Variants in LYPD1 observed in about 807,000 individuals in gnomAD.
The protein encoded by LYPD1 is ly6/PLAUR domain-containing protein 1.
A neutral mutation model predicts 14.2 loss-of-function variants in LYPD1; 14 were observed. The ratio of observed to expected loss-of-function variants is 0.99; its 90% CI spans 0.65 to 1.54. The LOEUF is 1.54. Ranked by LOEUF, LYPD1 falls within the 40% of genes most tolerant of loss-of-function variation. The pLI is 0.00. For synonymous variants in LYPD1, 85 were observed against 70.6 expected (o/e 1.20, Z -1.02); for missense variants, 165 against 175.7 (o/e 0.94, Z 0.34).
intron 2 of LYPD1, among the ~76,000 whole-genome samples, chr2:132,667,799 C>T (rs1041099649): frequency 3.3e-5 from 5 of 152,176 alleles, no homozygotes; most frequent in Non-Finnish European, 5.9e-5. Context: ...CACAAGACCT[C>T]CCCTTCCCCC....
At chr2:132,668,293 TG>T in intron 2 of LYPD1, 106 bp downstream of exon 2, 1 of 1,351,208 alleles carries the variant, frequency 7.4e-7, no homozygotes, top group Non-Finnish European at 1.0e-6. Flanking sequence ...AACCAGTGTG[TG>T]GGCATTAAAT....
chr2:132,663,157 T>A (rs1683064726), intron 2 of LYPD1: 1 of 152,220 alleles, frequency 6.6e-6, no homozygotes, highest in Non-Finnish European at 1.5e-5. Context: ...CAGAATAGAA[T>A]CCCTTCCTGT....
chr2:132,645,546 C>T lies in LYPD1; in HGVS notation c.*499G>A, dbSNP rs1295595406. 2 of 1,614,154 alleles carry T rather than the reference C, an allele frequency of 1.2e-6. No homozygotes were observed. The highest frequency in any genetic ancestry group is 1.1e-5 in the South Asian group (1 of 91,084). ...TGAGTCTCGAGTCACTAGAGCCCAACTCAGGCGCGAAACCAGCCAATTCTG... is the reference window on the plus strand; with the variant it reads ...TGAGTCTCGAGTCACTAGAGCCCAATTCAGGCGCGAAACCAGCCAATTCTG... On this transcript the variant is annotated 3_prime_UTR_variant, in exon 3 of 3. Transcript: ENST00000397463.
intron 2 of LYPD1, among the ~76,000 whole-genome samples, chr2:132,651,823 A>T (rs1318334936): frequency 6.6e-6 from 1 of 152,244 alleles, no homozygotes; most frequent in African/African-American, 2.4e-5. Context: ...GTGAGTTGCC[A>T]TCTCTAAGTC....
rs1364458328 is a variant in LYPD1, at chr2:132,649,866, T to C, written c.191-3586A>G. Among the ~76,000 whole-genome samples, 3 of 151,784 alleles carry C rather than the reference T, an allele frequency of 2.0e-5. No individual in the cohort carries two copies. The South Asian group carries it at 6.3e-4, about 32-fold the overall frequency. On this transcript the variant is annotated intron_variant, in intron 2 of 2. Transcript: ENST00000397463. ...CCCATAAAAGTACTAAACGACACTTTGGAACCTTGGGAGATTTTTTTTTTA... is the reference window on the plus strand; with the variant it reads ...CCCATAAAAGTACTAAACGACACTTCGGAACCTTGGGAGATTTTTTTTTTA...
intron 2 of LYPD1, among the ~76,000 whole-genome samples, chr2:132,667,947 G>A (rs147549183): frequency 6.6e-6 from 1 of 152,222 alleles, no homozygotes; most frequent in African/African-American, 2.4e-5. Flanking sequence ...AGATCCTGTA[G>A]TGTTCTTCAA....
At chr2:132,670,449 C>T (rs1683634269), upstream of LYPD1, among the ~76,000 whole-genome samples, 2 of 152,196 alleles carry the variant, frequency 1.3e-5, no homozygotes, top group South Asian at 4.2e-4. The surrounding 1 kb of genome is among the most constrained non-coding windows in gnomAD (Gnocchi z 4.5). Context: ...GTTGGGGGAG[C>T]GGCGAGGAGG....
chr2:132,651,788 G>C (rs1159436589), intron 2 of LYPD1, among the ~76,000 whole-genome samples: 1 of 152,234 alleles, frequency 6.6e-6, no homozygotes, highest in South Asian at 2.1e-4. Flanking sequence ...TCTGCAGGGG[G>C]ATGTGTGTGC....
At chr2:132,666,552 G>C (rs909022612) in intron 2 of LYPD1, 1 of 152,162 alleles carries the variant, frequency 6.6e-6, no homozygotes, top group Non-Finnish European at 1.5e-5. Flanking sequence ...TTGGAGACAA[G>C]GTACCTACCT....
At chr2:132,655,952 A>AC (rs201068681) in intron 2 of LYPD1, among the ~76,000 whole-genome samples, 224 of 151,956 alleles carry the variant, frequency 1.5e-3, no homozygotes, top group African/African-American at 5.2e-3. Context: ...AAGATCTGTC[A>AC]CCCCCCTCCA....
intron 2 of LYPD1, among the ~76,000 whole-genome samples, chr2:132,659,506 G>A (rs949832111): frequency 6.6e-6 from 1 of 152,208 alleles, no homozygotes; most frequent in African/African-American, 2.4e-5. Context: ...TGTGATGCCA[G>A]GCAAACTGAG....
At chr2:132,668,374 G>A (rs753546770) in intron 2 of LYPD1, 26 bp downstream of exon 2, 7 of 1,593,860 alleles carry the variant, frequency 4.4e-6, no homozygotes, top group South Asian at 1.1e-5. Context: ...GCTTAAGAGC[G>A]AGGGGGAGGG....
chr2:132,658,231 G>A (rs76519654), intron 2 of LYPD1, among the ~76,000 whole-genome samples: 10,999 of 152,194 alleles, frequency 0.072, 1,267 homozygotes, highest in African/African-American at 0.25. Context: ...ACATCACTGG[G>A]CTGTAGGAGC....
chr2:132,670,338 C>A, upstream of LYPD1: 6 of 237,942 alleles, frequency 2.5e-5, no homozygotes, highest in South Asian at 3.0e-4. This position sits in a 1 kb window ranked among gnomAD's most constrained non-coding sequence, Gnocchi z 4.5. Context: ...CGCTTCACAT[C>A]CCCACCCCCT....
Position 132,669,503 on chromosome 2 carries a change from CGGCGCCACTCCCACGGGGTGCCGGA to C in LYPD1, c.52+353_52+377del, listed in dbSNP as rs1163465740. Among the ~76,000 whole-genome samples, 1 of 152,248 alleles carries C rather than the reference CGGCGCCACTCCCACGGGGTGCCGGA, an allele frequency of 6.6e-6. No homozygotes were observed. The highest frequency in any genetic ancestry group is 1.9e-4 in the East Asian group (1 of 5,148). On this transcript the variant is annotated intron_variant, in intron 1 of 2. Coordinates refer to ENST00000397463, the MANE Select transcript of LYPD1 (RefSeq NM_144586.7). This position sits in a 1 kb window ranked among gnomAD's most constrained non-coding sequence, Gnocchi z 4.3. ...GCCTCGCGCATCGCTCACCTGTCGG[CGGCGCCACTCCCACGGGGTGCCGGA>C]GGCGCCAGACAACTTGGCAGGGTTC...
Position 132,645,206 on chromosome 2 carries a change from C to T in LYPD1, c.*839G>A, listed in dbSNP as rs1217617986. 2 of 1,614,024 alleles carry T rather than the reference C, an allele frequency of 1.2e-6. No individual in the cohort carries two copies. Among genetic ancestry groups the T allele is most frequent in the South Asian group, 1.1e-5 (1 of 91,068 alleles). On this transcript the variant is annotated 3_prime_UTR_variant, in exon 3 of 3. Transcript: ENST00000397463. ...GACTGGACGAGGTCCTACTTCCGGGCGTACATGATCCTCCTCCCCTTCTCG... is the reference window on the plus strand; with the variant it reads ...GACTGGACGAGGTCCTACTTCCGGGTGTACATGATCCTCCTCCCCTTCTCG...
At chr2:132,666,939 G>A in intron 2 of LYPD1, 1 of 152,110 alleles carries the variant, frequency 6.6e-6, no homozygotes, top group East Asian at 1.9e-4. Context: ...CTAAACTACT[G>A]TCTCAAGAAA....
chr2:132,647,440 CT>C (rs997707629), intron 2 of LYPD1, among the ~76,000 whole-genome samples: 1 of 152,120 alleles, frequency 6.6e-6, no homozygotes, highest in Non-Finnish European at 1.5e-5. Context: ...ATGTATGTGG[CT>C]TTTTTTTGAG....
At chr2:132,663,251 C>T (rs1206237180) in intron 2 of LYPD1, 1 of 152,070 alleles carries the variant, frequency 6.6e-6, no homozygotes, top group Non-Finnish European at 1.5e-5. Context: ...TTTTTGATAT[C>T]CAAATATGTT....
Sources: gnomAD v4.1 joint callset for allele counts (sites outside exome capture counted in the v4.1 genomes callset) on GRCh38, gnomAD v4.1.1 for gene constraint, Gnocchi (gnomAD v3.1) non-coding constraint, MANE v1.5 for transcripts, NCBI Gene and HGNC (gene_info 2026-07-23, HGNC 2026-07-21) for gene names.